The following GMPS variants were observed in gnomAD, a reference collection of about 807,000 sequenced individuals.
GMPS encodes guanosine monophosphate synthase.
A neutral mutation model predicts 77.9 loss-of-function variants in GMPS; 15 were observed. The ratio of observed to expected loss-of-function variants is 0.19; its 90% CI spans 0.13 to 0.30. GMPS has a LOEUF of 0.30. GMPS is among the 10% of genes least tolerant of loss of function. The pLI is 1.00. For synonymous variants in GMPS, 224 were observed against 275.9 expected (o/e 0.81, Z 1.86); for missense variants, 590 against 838.8 (o/e 0.70, Z 3.66).
chr3:155,936,236 G>C, intron 14 of GMPS, 102 bp from the exon 15 acceptor site: 1 of 731,296 alleles, frequency 1.4e-6, no homozygotes, highest in Non-Finnish European at 2.5e-6. Context: ...TACGCTGTGT[G>C]TGTATATGTG....
Position 155,901,519 on chromosome 3 carries a change from G to A in GMPS, c.325-2344G>A, listed in dbSNP as rs546911376. ...AAAATTTTCTCTAGGGTAACTGGCC[G>A]TAGGAATGCTGGGTCATAATGTACA... On this transcript the variant is annotated intron_variant, in intron 3 of 15. Coordinates refer to ENST00000496455, the MANE Select transcript of GMPS (RefSeq NM_003875.3). Among the ~76,000 whole-genome samples, 21 of 152,118 alleles carry A rather than the reference G, an allele frequency of 1.4e-4. No homozygotes were observed. The South Asian group carries it at 1.7e-3, about 12-fold the overall frequency.
At chr3:155,888,293 C>T (rs1466051584) in intron 1 of GMPS, among the ~76,000 whole-genome samples, 1 of 148,910 alleles carries the variant, frequency 6.7e-6, no homozygotes, top group Non-Finnish European at 1.5e-5. Flanking sequence ...AATTTTGATT[C>T]ATGTTCTCTC....
intron 11 of GMPS, among the ~76,000 whole-genome samples, chr3:155,924,082 G>A (rs1305577069): frequency 6.6e-6 from 1 of 152,180 alleles, no homozygotes; most frequent in African/African-American, 2.4e-5. Flanking sequence ...GTTTCTCCAT[G>A]TTGGTCAGGC....
chr3:155,884,496 TA>T (rs1477084414), intron 1 of GMPS, among the ~76,000 whole-genome samples: 2 of 152,164 alleles, frequency 1.3e-5, no homozygotes, highest in African/African-American at 4.8e-5. Context: ...CACATACGTA[TA>T]TTGTGTCAAC....
intron 5 of GMPS, among the ~76,000 whole-genome samples, chr3:155,909,013 A>G (rs1024984305): frequency 6.6e-6 from 1 of 152,160 alleles, no homozygotes; most frequent in Non-Finnish European, 1.5e-5. Context: ...CAGCAAAGAG[A>G]TTCAGAAGGA....
At chr3:155,918,834 A>T (rs1160338558) in intron 9 of GMPS, among the ~76,000 whole-genome samples, 1 of 152,110 alleles carries the variant, frequency 6.6e-6, no homozygotes, top group African/African-American at 2.4e-5. Flanking sequence ...CTTTTATCAG[A>T]TATACGACTT....
At position 155,916,028 on chromosome 3, in the gene GMPS, G is replaced by GAAGT. The variant is rs1560047894; in HGVS notation, c.1051_1054dup (p.Ile352SerfsTer22). 1 of 1,611,438 alleles carries GAAGT rather than the reference G, an allele frequency of 6.2e-7. No individual in the cohort carries two copies. The highest frequency in any genetic ancestry group is 2.2e-5 in the East Asian group (1 of 44,858). Reference sequence around the variant, plus strand: ...CTCCTGTTGATTATAGATTGCCAATGAAGTAATTGGAGAAATGAACTTGAA... The same window carrying GAAGT: ...CTCCTGTTGATTATAGATTGCCAATGAAGTAAGTAATTGGAGAAATGAACTTGAA... On this transcript the variant is annotated frameshift_variant, in exon 9 of 16. Transcript: ENST00000496455. LOFTEE classifies it high-confidence loss of function.
chr3:155,870,078 C>T (rs1753862456), upstream of GMPS, among the ~76,000 whole-genome samples: 1 of 152,252 alleles, frequency 6.6e-6, no homozygotes, highest in Non-Finnish European at 1.5e-5. Context: ...GGAAATACTG[C>T]ACCTGCTGTA....
chr3:155,901,518 C>T (rs1032576819), intron 3 of GMPS, among the ~76,000 whole-genome samples: 7 of 151,906 alleles, frequency 4.6e-5, no homozygotes, highest in South Asian at 2.1e-4. Context: ...GGTAACTGGC[C>T]GTAGGAATGC....
intron 11 of GMPS, among the ~76,000 whole-genome samples, chr3:155,924,788 A>T (rs1374246699): frequency 6.6e-6 from 1 of 152,246 alleles, no homozygotes; most frequent in Non-Finnish European, 1.5e-5. Flanking sequence ...CTTAGTATAG[A>T]ATAGTAGACA....
chr3:155,921,039 C>T (rs1755306688), intron 10 of GMPS, among the ~76,000 whole-genome samples: 1 of 152,026 alleles, frequency 6.6e-6, no homozygotes, highest in African/African-American at 2.4e-5. Flanking sequence ...GTCAGGAGTT[C>T]CAGACCAGCC....
chr3:155,898,170 C>T (rs538459703), intron 3 of GMPS, 129 bp downstream of exon 3: 4 of 666,414 alleles, frequency 6.0e-6, no homozygotes, highest in Middle Eastern at 3.2e-4. Flanking sequence ...GTGCATGTTA[C>T]AACTATGTGA....
chr3:155,935,909 T>C (rs890871790), intron 14 of GMPS, among the ~76,000 whole-genome samples: 5 of 152,182 alleles, frequency 3.3e-5, no homozygotes, highest in Non-Finnish European at 7.4e-5. Context: ...AAATACAGTG[T>C]CTTAAATCAG....
chr3:155,908,913 A>G (rs1040379705), intron 5 of GMPS, among the ~76,000 whole-genome samples: 1 of 152,174 alleles, frequency 6.6e-6, no homozygotes, highest in African/African-American at 2.4e-5. Flanking sequence ...TGATGAGAGT[A>G]TGAGATCTCT....
At chr3:155,919,403 T>G in intron 10 of GMPS, 65 bp downstream of exon 10, 1 of 732,090 alleles carries the variant, frequency 1.4e-6, no homozygotes, top group Non-Finnish European at 2.4e-6. Context: ...AAAAATCAAT[T>G]CAGACAATTC....
At chr3:155,891,737 G>T (rs563995090) in intron 1 of GMPS, among the ~76,000 whole-genome samples, 1 of 151,812 alleles carries the variant, frequency 6.6e-6, no homozygotes, top group Admixed American at 6.6e-5. Context: ...CTCCCGAGTA[G>T]CTGGGATTAT....
upstream of GMPS, among the ~76,000 whole-genome samples, chr3:155,869,611 T>C (rs1172564905): frequency 1.3e-5 from 2 of 152,212 alleles, no homozygotes; most frequent in Non-Finnish European, 2.9e-5. Context: ...CTATATATAC[T>C]GAGAGGCACA....
intron 13 of GMPS, among the ~76,000 whole-genome samples, chr3:155,933,205 A>AG (rs1755671405): frequency 6.6e-6 from 1 of 152,140 alleles, no homozygotes; most frequent in Non-Finnish European, 1.5e-5. Context: ...AAAAGGAAAA[A>AG]GAAAAAAAAA....
At chr3:155,877,124 T>C (rs1754068533) in intron 1 of GMPS, among the ~76,000 whole-genome samples, 1 of 152,186 alleles carries the variant, frequency 6.6e-6, no homozygotes, top group African/African-American at 2.4e-5. Context: ...AATGTAAATT[T>C]AGGACTCCAG....
Sources: gnomAD v4.1 joint callset for allele counts (sites outside exome capture counted in the v4.1 genomes callset) on GRCh38, gnomAD v4.1.1 for gene constraint, MANE v1.5 for transcripts, NCBI Gene and HGNC (gene_info 2026-07-23, HGNC 2026-07-21) for gene names.